SLC16A7: variants seen among roughly 807,000 people sequenced by gnomAD.
SLC16A7 encodes the protein monocarboxylate transporter 2.
SLC16A7 carries 33 observed loss-of-function variants against 34.9 expected under a neutral mutation model. The ratio of observed to expected loss-of-function variants is 0.94; its 90% CI spans 0.72 to 1.26. The LOEUF is 1.26. Among genes scored for constraint, SLC16A7 ranks in the 50% most tolerant of loss-of-function variants. The pLI is 0.00. For missense variants in SLC16A7, 573 were observed against 578.1 expected, an observed-to-expected ratio of 0.99 and a Z score of 0.09; for synonymous variants, 201 against 206.6, an observed-to-expected ratio of 0.97 and a Z score of 0.23.
chr12:59,666,613 A>G (rs143036618), intron 2 of SLC16A7, among the ~76,000 whole-genome samples: 1 of 152,226 alleles, frequency 6.6e-6, no homozygotes, highest in Non-Finnish European at 1.5e-5. Flanking sequence ...TGATGGTCTT[A>G]TGAAGGGCAG....
chr12:59,638,456 G>C (rs1484100492), intron 1 of SLC16A7, among the ~76,000 whole-genome samples: 2 of 152,094 alleles, frequency 1.3e-5, no homozygotes, highest in Non-Finnish European at 2.9e-5. Flanking sequence ...GATTTTTAGA[G>C]CTTAACTAAA....
intron 3 of SLC16A7, among the ~76,000 whole-genome samples, chr12:59,727,081 G>C (rs1395302769): frequency 6.6e-6 from 1 of 150,882 alleles, no homozygotes; most frequent in Non-Finnish European, 1.5e-5. Context: ...ACTGGTGTTG[G>C]AGGAACTTTA....
At position 59,746,209 on chromosome 12, in the gene SLC16A7, A is replaced by G. The variant is rs575318974; in HGVS notation, c.218-25010A>G. Among the ~76,000 whole-genome samples, 9 of 152,372 alleles carry G rather than the reference A, an allele frequency of 5.9e-5. No homozygotes were observed. The South Asian group carries it at 1.7e-3, about 28-fold the overall frequency. On this transcript the variant is annotated intron_variant, in intron 3 of 5. Coordinates refer to ENST00000547379, the MANE Select transcript of SLC16A7 (RefSeq NM_001270623.2). ...ATATTTAGAAAACAGACTTGTCAGT[A>G]CTTTGTAATTAATTTGATGTCAAAT...
At chr12:59,680,126 C>T (rs17122837) in intron 2 of SLC16A7, among the ~76,000 whole-genome samples, 10,836 of 152,154 alleles carry the variant, frequency 0.071, 430 homozygotes, top group Middle Eastern at 0.17. Flanking sequence ...TCCCACTTTG[C>T]AATCAAAATG....
chr12:59,700,808 A>C (rs1872785033), intron 2 of SLC16A7, among the ~76,000 whole-genome samples: 1 of 151,690 alleles, frequency 6.6e-6, no homozygotes, highest in South Asian at 2.1e-4. Flanking sequence ...AAGATCCTAA[A>C]ATTATTTCAT....
chr12:59,773,857 C>T (rs1160726632), intron 4 of SLC16A7, among the ~76,000 whole-genome samples: 3 of 152,174 alleles, frequency 2.0e-5, no homozygotes, highest in African/African-American at 7.2e-5. Context: ...ACCACCACTC[C>T]CGGCCTAAAT....
At chr12:59,721,367 A>T (rs1875565297) in intron 3 of SLC16A7, among the ~76,000 whole-genome samples, 1 of 151,804 alleles carries the variant, frequency 6.6e-6, no homozygotes. Flanking sequence ...TATCTATCCT[A>T]ACTAAGGCCA....
At chr12:59,662,462 A>T (rs900154645) in intron 2 of SLC16A7, among the ~76,000 whole-genome samples, 1 of 151,958 alleles carries the variant, frequency 6.6e-6, no homozygotes, top group Non-Finnish European at 1.5e-5. Context: ...CCAGAAATTT[A>T]AAAAAAATCT....
chr12:59,674,297 A>G (rs1473829860), intron 2 of SLC16A7, among the ~76,000 whole-genome samples: 1 of 152,316 alleles, frequency 6.6e-6, no homozygotes, highest in Non-Finnish European at 1.5e-5. Context: ...CCATGAAGGC[A>G]TAGACTATAT....
intron 1 of SLC16A7, among the ~76,000 whole-genome samples, chr12:59,601,839 A>T (rs1682069063): frequency 6.6e-6 from 1 of 152,170 alleles, no homozygotes; most frequent in Non-Finnish European, 1.5e-5. Flanking sequence ...AATCCCATTC[A>T]TGAGAGTTCC....
chr12:59,726,673 T>C (rs1876280575), intron 3 of SLC16A7, among the ~76,000 whole-genome samples: 1 of 152,028 alleles, frequency 6.6e-6, no homozygotes, highest in African/African-American at 2.4e-5. Flanking sequence ...GACCAGGAGA[T>C]CTGATTTCTA....
intron 1 of SLC16A7, among the ~76,000 whole-genome samples, chr12:59,639,070 A>G (rs1289344263): frequency 6.6e-6 from 1 of 152,108 alleles, no homozygotes; most frequent in African/African-American, 2.4e-5. Flanking sequence ...CACCTGTTTC[A>G]GGAGTTGAGA....
intron 1 of SLC16A7, among the ~76,000 whole-genome samples, chr12:59,614,054 C>A (rs1592391351): frequency 7.3e-6 from 1 of 136,826 alleles, no homozygotes. Flanking sequence ...GAATGAGAGC[C>A]TTTTTTTTTT....
intron 1 of SLC16A7, among the ~76,000 whole-genome samples, chr12:59,651,442 A>G (rs539711078): frequency 6.6e-6 from 1 of 152,282 alleles, no homozygotes; most frequent in African/African-American, 2.4e-5. Flanking sequence ...AAGGAGTACC[A>G]TAGAATTTCT....
intron 3 of SLC16A7, among the ~76,000 whole-genome samples, chr12:59,722,076 GA>G (rs763958487): frequency 8.6e-5 from 13 of 151,654 alleles, no homozygotes; most frequent in Non-Finnish European, 1.6e-4. Flanking sequence ...AACTTCTCCT[GA>G]ACTCTAGACC....
intron 3 of SLC16A7, among the ~76,000 whole-genome samples, chr12:59,714,613 G>A (rs1874672390): frequency 6.6e-6 from 1 of 151,426 alleles, no homozygotes; most frequent in Non-Finnish European, 1.5e-5. Flanking sequence ...CGCCCAGGCT[G>A]GAGTGCAGTG....
chr12:59,673,279 G>T (rs1369225824), intron 2 of SLC16A7, among the ~76,000 whole-genome samples: 2 of 152,004 alleles, frequency 1.3e-5, no homozygotes, highest in Non-Finnish European at 2.9e-5. Context: ...ATTGGTTTTG[G>T]CATAATAAAT....
intron 5 of SLC16A7, among the ~76,000 whole-genome samples, chr12:59,776,009 G>A (rs192643986): frequency 0.01 from 1,572 of 152,176 alleles, 21 homozygotes; most frequent in Non-Finnish European, 0.014. Flanking sequence ...AGGGATGACC[G>A]AAAATTTATT....
At chr12:59,720,590 A>G (rs1875461129) in intron 3 of SLC16A7, among the ~76,000 whole-genome samples, 1 of 152,086 alleles carries the variant, frequency 6.6e-6, no homozygotes, top group Non-Finnish European at 1.5e-5. Flanking sequence ...AAGGGAATGA[A>G]TTAAGCAATA....
Sources: allele counts gnomAD v4.1 joint callset (sites outside exome capture counted in the v4.1 genomes callset), GRCh38; gene constraint gnomAD v4.1.1; transcripts MANE v1.5; gene names NCBI Gene and HGNC (gene_info 2026-07-23, HGNC 2026-07-21).